TRMT11: variants seen among roughly 807,000 people sequenced by gnomAD.
The protein encoded by TRMT11 is tRNA methyltransferase 11.
In TRMT11, 53 loss-of-function variants were observed where a neutral mutation model predicts 62.8. The observed-to-expected ratio is 0.84, with a 90% CI of 0.68 to 1.06. TRMT11 has a LOEUF of 1.06. Ranked by LOEUF, TRMT11 falls within the 50% of genes least tolerant of loss-of-function variation. The pLI, the probability that TRMT11 is intolerant of heterozygous loss-of-function variation, is 0.00. For synonymous variants in TRMT11, 188 were observed against 190.3 expected (o/e 0.99, Z 0.10); for missense variants, 556 against 553.4 (o/e 1.00, Z -0.05).
intron 1 of TRMT11, among the ~76,000 whole-genome samples, chr6:126,193,728 C>T (rs1347123875): frequency 6.6e-6 from 1 of 151,784 alleles, no homozygotes; most frequent in East Asian, 1.9e-4. Flanking sequence ...CTCCTGACCT[C>T]GTGATCCGCC....
At chr6:126,037,985 A>T (rs1775493906) in intron 12 of TRMT11, among the ~76,000 whole-genome samples, 1 of 152,010 alleles carries the variant, frequency 6.6e-6, no homozygotes. Context: ...GTCTAATTAG[A>T]TATTTTTCAC....
intron 21 of TRMT11, among the ~76,000 whole-genome samples, chr6:126,155,221 G>A (rs1026027611): frequency 2.0e-5 from 3 of 152,278 alleles, no homozygotes; most frequent in East Asian, 1.9e-4. Flanking sequence ...TGGCAAGAGC[G>A]GGAGTAAGAC....
chr6:126,138,771 A>C (rs1777881302), intron 21 of TRMT11, among the ~76,000 whole-genome samples: 1 of 152,054 alleles, frequency 6.6e-6, no homozygotes, highest in African/African-American at 2.4e-5. Flanking sequence ...TTTAGTTATA[A>C]TCTTGAATGA....
Position 125,986,600 on chromosome 6 carries a change from A to G in TRMT11, c.50A>G (p.Glu17Gly). Reference sequence around the variant, plus strand: ...AGGTATCTGCTCCTCATGGCGCAGGAGCATCTGGAGTTCCGCCTGCCGGTG... The same window carrying G: ...AGGTATCTGCTCCTCATGGCGCAGGGGCATCTGGAGTTCCGCCTGCCGGTG... ...LNRYLLLMAQ[E>G]HLEFRLPEIK... The change falls in exon 1 of 13, where the codon GAG becomes GGG. Residue 17 changes from glutamate (E) to glycine (G), a missense_variant. By Grantham distance (98) the Glu-to-Gly change is moderately conservative. Transcript: ENST00000334379. The G allele has an allele frequency of 6.3e-7, 1 of 1,583,102 alleles. No individual in the cohort carries two copies. Among genetic ancestry groups the G allele is most frequent in the Non-Finnish European group, 8.6e-7 (1 of 1,167,108 alleles).
At chr6:126,082,864 A>T (rs1777173731) in intron 17 of TRMT11, among the ~76,000 whole-genome samples, 2 of 152,178 alleles carry the variant, frequency 1.3e-5, no homozygotes, top group Non-Finnish European at 2.9e-5. Context: ...ATTATAGTTA[A>T]AAATAAGAAG....
the TRMT11 span, among the ~76,000 whole-genome samples, chr6:126,212,630 GTT>G: frequency 2.0e-5 from 3 of 151,992 alleles, no homozygotes; most frequent in Admixed American, 6.6e-5. Flanking sequence ...CAGACTATTA[GTT>G]TTTTCCTATA....
At chr6:126,095,460 A>G (rs1777329439) in intron 17 of TRMT11, among the ~76,000 whole-genome samples, 1 of 152,208 alleles carries the variant, frequency 6.6e-6, no homozygotes, top group East Asian at 1.9e-4. Context: ...ATTGCTGGAT[A>G]ACCTGCTCAC....
chr6:126,239,039 CT>C, the TRMT11 span, among the ~76,000 whole-genome samples: 2 of 151,832 alleles, frequency 1.3e-5, no homozygotes, highest in African/African-American at 2.4e-5. Context: ...CACCCCCTTC[CT>C]TTTTTTTGTT....
rs537226837 is a variant in TRMT11, at chr6:126,145,330, A to C, written c.*1823+29475A>C. Among the ~76,000 whole-genome samples, 655 of 152,316 alleles carry C rather than the reference A, an allele frequency of 4.3e-3. 3 individuals are homozygous for C. Among genetic ancestry groups the C allele is most frequent in the Non-Finnish European group, 7.1e-3 (480 of 68,020 alleles). ...ACTCCCTAGGACAGAGGAGGGAAGT[A>C]GAAAAAGAAAGAGAGCACAGAGAAA... is the stretch of plus-strand genomic sequence containing the variant. On this transcript the variant is annotated intron_variant and NMD_transcript_variant, in intron 21 of 22. Transcript: ENST00000648977.
chr6:126,088,086 T>A (rs903689847), intron 17 of TRMT11, among the ~76,000 whole-genome samples: 11 of 152,068 alleles, frequency 7.2e-5, no homozygotes, highest in Non-Finnish European at 1.3e-4. Context: ...CAATGTGCAA[T>A]ATTAGTATAT....
intron 21 of TRMT11, among the ~76,000 whole-genome samples, chr6:126,131,361 G>T (rs370574917): frequency 2.0e-5 from 3 of 152,016 alleles, no homozygotes; most frequent in Admixed American, 1.3e-4. Context: ...GTATTGGCAG[G>T]GTGGTGCATT....
chr6:126,040,296 T>C (rs989924299), downstream of TRMT11, among the ~76,000 whole-genome samples: 4 of 152,110 alleles, frequency 2.6e-5, no homozygotes, highest in Non-Finnish European at 4.4e-5. Context: ...TTATTTGTTA[T>C]TACTACTAAT....
chr6:126,065,787 G>A (rs796164244), intron 17 of TRMT11, among the ~76,000 whole-genome samples: 9 of 152,286 alleles, frequency 5.9e-5, no homozygotes, highest in African/African-American at 2.2e-4. Context: ...AAGTTGCTTT[G>A]TTTCTCTGAT....
chr6:126,172,044 T>G (rs570418747), intron 21 of TRMT11, among the ~76,000 whole-genome samples: 65 of 152,286 alleles, frequency 4.3e-4, no homozygotes, highest in African/African-American at 1.4e-3. Flanking sequence ...AAAAAAAGGT[T>G]AAATGTTTTT....
the TRMT11 span, among the ~76,000 whole-genome samples, chr6:126,212,856 A>G: frequency 2.0e-5 from 3 of 152,044 alleles, no homozygotes; most frequent in African/African-American, 7.2e-5. Context: ...GCCTAGTCCA[A>G]TGTCCTGGAG....
At chr6:126,151,921 TTC>T (rs1778059268) in intron 21 of TRMT11, among the ~76,000 whole-genome samples, 1 of 98,330 alleles carries the variant, frequency 1.0e-5, no homozygotes, top group African/African-American at 5.1e-5. Context: ...CTTTCTTTCT[TTC>T]TTTCTTTCTT....
At chr6:126,191,638 G>T (rs1372956207) in intron 1 of TRMT11, among the ~76,000 whole-genome samples, 1 of 151,696 alleles carries the variant, frequency 6.6e-6, no homozygotes, top group Non-Finnish European at 1.5e-5. Context: ...TATAAGATGG[G>T]TATTTAGTTC....
At chr6:126,152,198 A>G (rs1778067305) in intron 21 of TRMT11, among the ~76,000 whole-genome samples, 1 of 151,606 alleles carries the variant, frequency 6.6e-6, no homozygotes, top group African/African-American at 2.4e-5. Context: ...GAAATTTTGT[A>G]ACTTCCTGAA....
At chr6:126,100,868 A>G (rs1269728803) in intron 17 of TRMT11, among the ~76,000 whole-genome samples, 1 of 152,154 alleles carries the variant, frequency 6.6e-6, no homozygotes, top group Non-Finnish European at 1.5e-5. Context: ...TTTTTCTGCA[A>G]CTAGACAGGT....
Sources: allele counts gnomAD v4.1 joint callset (sites outside exome capture counted in the v4.1 genomes callset), GRCh38; gene constraint gnomAD v4.1.1; transcripts MANE v1.5; gene names NCBI Gene and HGNC (gene_info 2026-07-23, HGNC 2026-07-21).